ERBIN: variants seen among roughly 807,000 people sequenced by gnomAD.
ERBIN encodes erbb2 interacting protein.
ERBIN carries 60 observed loss-of-function variants against 158.4 expected under a neutral mutation model. That is an observed-to-expected ratio of 0.38 (90% CI 0.31 to 0.47). The LOEUF (loss-of-function observed/expected upper bound fraction) is 0.47. ERBIN is among the 20% of genes least tolerant of loss of function. ERBIN has a pLI of 0.99. For missense variants in ERBIN, 1,610 were observed against 1,648.0 expected (o/e 0.98, Z 0.40); for synonymous variants, 594 against 557.2 (o/e 1.07, Z -0.93).
intron 1 of ERBIN, among the ~76,000 whole-genome samples, chr5:65,957,262 G>A (rs533501912): frequency 3.3e-5 from 5 of 150,682 alleles, no homozygotes; most frequent in East Asian, 3.9e-4. Flanking sequence ...GGTGTTTCTC[G>A]CAGAGGGGGA....
At chr5:65,977,274 G>C (rs1464835766) in intron 1 of ERBIN, among the ~76,000 whole-genome samples, 1 of 151,638 alleles carries the variant, frequency 6.6e-6, no homozygotes, top group Non-Finnish European at 1.5e-5. Context: ...TCCCGGATGG[G>C]GCGGCTGGCC....
intron 4 of ERBIN, among the ~76,000 whole-genome samples, chr5:66,005,056 G>A (rs1382626196): frequency 6.6e-6 from 1 of 152,084 alleles, no homozygotes; most frequent in Non-Finnish European, 1.5e-5. Context: ...AGAGCATGAT[G>A]TGACTTGTGT....
intron 1 of ERBIN, among the ~76,000 whole-genome samples, chr5:65,942,413 C>T (rs1164436972): frequency 6.6e-6 from 1 of 152,218 alleles, no homozygotes; most frequent in Non-Finnish European, 1.5e-5. Context: ...GAGTTTTGGG[C>T]TCATCTAAGT....
rs1322292970 is a variant in ERBIN at position 66,080,862 on chromosome 5, C to T, written c.*2332C>T. On this transcript the variant is annotated 3_prime_UTR_variant, in exon 26 of 26. Coordinates refer to ENST00000284037, the MANE Select transcript of ERBIN (RefSeq NM_001253697.2). ...TAGTTAAAATTTTATAGTATTCTTGCAACACATAAAGTTGCGTAAGAAACT... is the reference window on the plus strand; with the variant it reads ...TAGTTAAAATTTTATAGTATTCTTGTAACACATAAAGTTGCGTAAGAAACT... The T allele has an allele frequency of 6.6e-6, 1 of 151,918 alleles. No homozygotes were observed. Among genetic ancestry groups the T allele is most frequent in the Non-Finnish European group, 1.5e-5 (1 of 67,864 alleles). The allele number at this position is 151,918 out of a possible 1,614,324, so 9.4% of individuals were successfully genotyped here.
At chr5:65,938,371 C>CTT (rs4019046) in intron 1 of ERBIN, among the ~76,000 whole-genome samples, 20 of 121,634 alleles carry the variant, frequency 1.6e-4, no homozygotes, top group African/African-American at 3.7e-4. Flanking sequence ...AGGCATAGGT[C>CTT]TTTTTTTTTT....
At chr5:66,057,225 C>G (rs1429711016) in intron 21 of ERBIN, among the ~76,000 whole-genome samples, 1 of 152,126 alleles carries the variant, frequency 6.6e-6, no homozygotes, top group African/African-American at 2.4e-5. Flanking sequence ...CTTTCCTTAC[C>G]TTGGTGGATT....
At position 66,018,513 on chromosome 5, in the gene ERBIN, T is replaced by C. The variant is rs868613806; in HGVS notation, c.534-2809T>C. Among the ~76,000 whole-genome samples the C allele has an allele frequency of 2.3e-4, 2 of 8,698 alleles. 1 individual carries two copies. Among genetic ancestry groups the C allele is most frequent in the Non-Finnish European group, 6.5e-4 (2 of 3,066 alleles). The allele number at this position is 8,698 out of a possible 152,430, so 5.7% of individuals were successfully genotyped here. ...TATATTATATAATATATATTATATA[T>C]TATATAATATATATTATATTATATA... On this transcript the variant is annotated intron_variant, in intron 7 of 25. Coordinates refer to ENST00000284037, the MANE Select transcript of ERBIN (RefSeq NM_001253697.2).
intron 1 of ERBIN, among the ~76,000 whole-genome samples, chr5:65,977,805 C>T (rs1338972792): frequency 2.0e-5 from 3 of 152,196 alleles, no homozygotes; most frequent in South Asian, 2.1e-4. Context: ...CCAAGGCAGG[C>T]GGCTGGGAGG....
intron 14 of ERBIN, among the ~76,000 whole-genome samples, chr5:66,032,991 T>C (rs955798684): frequency 6.6e-6 from 1 of 152,198 alleles, no homozygotes; most frequent in African/African-American, 2.4e-5. Flanking sequence ...GAGTTAGAAG[T>C]ATCTTTGGTA....
At chr5:65,991,290 T>C (rs1751844191) in intron 2 of ERBIN, among the ~76,000 whole-genome samples, 1 of 152,218 alleles carries the variant, frequency 6.6e-6, no homozygotes, top group African/African-American at 2.4e-5. Flanking sequence ...TTAAAACATT[T>C]TATTAAGATA....
intron 1 of ERBIN, among the ~76,000 whole-genome samples, chr5:65,930,092 TTC>T (rs1743182934): frequency 6.6e-6 from 1 of 152,224 alleles, no homozygotes; most frequent in South Asian, 2.1e-4. Context: ...TAGCCTTATT[TTC>T]TCTGTGTTCA....
chr5:65,934,543 AT>A (rs978544680), intron 1 of ERBIN, among the ~76,000 whole-genome samples: 22 of 152,164 alleles, frequency 1.4e-4, no homozygotes, highest in African/African-American at 5.1e-4. Context: ...CTTTGATTAG[AT>A]TTTTATGATT....
intron 8 of ERBIN, 37 bp downstream of exon 8, chr5:66,021,422 AT>A (rs1373863314): frequency 1.5e-6 from 2 of 1,356,158 alleles, no homozygotes; most frequent in Non-Finnish European, 2.1e-6. Flanking sequence ...CTAAGTTCTT[AT>A]ATTTAATGAA....
chr5:65,951,229 C>T (rs903559175), intron 1 of ERBIN, among the ~76,000 whole-genome samples: 6 of 152,222 alleles, frequency 3.9e-5, no homozygotes, highest in Admixed American at 6.5e-5. Flanking sequence ...ATCTTTTTCC[C>T]TCTCTGGCAG....
intron 1 of ERBIN, among the ~76,000 whole-genome samples, chr5:65,958,408 T>A (rs906090275): frequency 6.6e-6 from 1 of 152,128 alleles, no homozygotes; most frequent in East Asian, 1.9e-4. Flanking sequence ...CACTCGCGGT[T>A]AGGAGCTGGA....
intron 1 of ERBIN, among the ~76,000 whole-genome samples, chr5:65,941,172 A>T (rs1374237853): frequency 6.6e-6 from 1 of 152,100 alleles, no homozygotes; most frequent in African/African-American, 2.4e-5. Flanking sequence ...CAGGGACACA[A>T]ACACTGTGGA....
chr5:65,948,762 G>GTTTTTTTT lies in ERBIN; in HGVS notation c.-58+21968_-58+21975dup, dbSNP rs59712256. ...ATGACATACTGGAGTTCTGTTTTGC[G>GTTTTTTTT]TTTTTTTTTTTTTTTTTTTGAGACA... On this transcript the variant is annotated intron_variant, in intron 1 of 25. Coordinates refer to ENST00000284037, the MANE Select transcript of ERBIN (RefSeq NM_001253697.2). Among the ~76,000 whole-genome samples, 10 of 105,612 alleles carry GTTTTTTTT rather than the reference G, an allele frequency of 9.5e-5. 1 individual carries two copies. Among genetic ancestry groups the GTTTTTTTT allele is most frequent in the African/African-American group, 1.1e-4 (3 of 27,226 alleles). The allele number at this position is 105,612 out of a possible 152,430, so 69.3% of individuals were successfully genotyped here. A position where few individuals can be genotyped will look rare whatever the true frequency, so the allele number is the denominator to read the frequency against.
chr5:66,060,906 C>T (rs1168794834), intron 21 of ERBIN, among the ~76,000 whole-genome samples: 2 of 152,254 alleles, frequency 1.3e-5, no homozygotes, highest in East Asian at 3.9e-4. Context: ...GTCTGAGAGA[C>T]AGTTTGTTAT....
intron 1 of ERBIN, among the ~76,000 whole-genome samples, chr5:65,971,213 C>T (rs1749206728): frequency 6.7e-6 from 1 of 149,310 alleles, no homozygotes; most frequent in Non-Finnish European, 1.5e-5. Flanking sequence ...GTGACTGTGA[C>T]AATTGCAGAT....
Sources: allele counts gnomAD v4.1 joint callset (sites outside exome capture counted in the v4.1 genomes callset), GRCh38; gene constraint gnomAD v4.1.1; transcripts MANE v1.5; gene names NCBI Gene and HGNC (gene_info 2026-07-23, HGNC 2026-07-21).